MAGI2: variants seen among roughly 807,000 people sequenced by gnomAD.
MAGI2 encodes the protein membrane-associated guanylate kinase, WW and PDZ domain-containing protein 2.
MAGI2 carries 35 observed loss-of-function variants against 133.3 expected under a neutral mutation model. The observed-to-expected ratio is 0.26, with a 90% confidence interval of 0.20 to 0.35. The LOEUF (loss-of-function observed/expected upper bound fraction) is 0.35. Among genes scored for constraint, MAGI2 ranks in the 10% least tolerant of loss-of-function variants. The probability of loss-of-function intolerance (pLI) is 1.00; values close to 1 mark genes in which losing one functional copy is unlikely to be tolerated. For synonymous variants in MAGI2, 729 were observed against 710.6 expected (o/e 1.03, Z -0.41); for missense variants, 1,636 against 1,863.4 (o/e 0.88, Z 2.25).
At chr7:78,069,291 C>T (rs1338953853) in intron 21 of MAGI2, among the ~76,000 whole-genome samples, 1 of 152,020 alleles carries the variant, frequency 6.6e-6, no homozygotes. Context: ...CAGATACGTC[C>T]GGCAATCCCC....
At position 78,501,669 on chromosome 7, in the gene MAGI2, C is replaced by A; in HGVS notation, c.873G>T (p.Lys291Asn). The part of the protein sequence containing the change: ...EELKEQMDDT[K>N]PTKPEDNEEP... Reference sequence around the variant, plus strand: ...CCTCATTGTCTTCAGGTTTAGTTGGCTTTGTGTCATCCATCTGCTCCTTCA... The same window carrying A: ...CCTCATTGTCTTCAGGTTTAGTTGGATTTGTGTCATCCATCTGCTCCTTCA... The change falls in exon 5 of 22, where the codon AAG becomes AAT. Residue 291 changes from lysine (K) to asparagine (N), a missense_variant. Lys to Asn is a moderately conservative substitution (Grantham distance 94, BLOSUM62 0). Transcript: ENST00000354212. The A allele has an allele frequency of 6.2e-7, 1 of 1,614,078 alleles. No individual in the cohort carries two copies. Among genetic ancestry groups the A allele is most frequent in the African/African-American group, 1.3e-5 (1 of 74,998 alleles).
Position 79,143,299 on chromosome 7 carries a change from T to A in MAGI2, c.302-136093A>T, listed in dbSNP as rs372931723. ...AAGGTGAATAATTATTTGTGCTTCATATCAGGCTCTAGGAGAATAGCTAGG... is the reference window on the plus strand; with the variant it reads ...AAGGTGAATAATTATTTGTGCTTCAAATCAGGCTCTAGGAGAATAGCTAGG... On this transcript the variant is annotated intron_variant, in intron 1 of 21. Coordinates refer to ENST00000354212, the MANE Select transcript of MAGI2 (RefSeq NM_012301.4). Among the ~76,000 whole-genome samples the A allele has an allele frequency of 2.6e-5, 4 of 152,322 alleles. 1 individual carries two copies. Among genetic ancestry groups the A allele is most frequent in the Admixed American group, 1.3e-4 (2 of 15,292 alleles).
chr7:79,346,487 C>T (rs2129105546), intron 1 of MAGI2, among the ~76,000 whole-genome samples: 1 of 152,046 alleles, frequency 6.6e-6, no homozygotes, highest in South Asian at 2.1e-4. Context: ...CTGTTACTGC[C>T]TCAATCCTTT....
intron 9 of MAGI2, among the ~76,000 whole-genome samples, chr7:78,283,474 A>T (rs1795834854): frequency 6.6e-6 from 1 of 151,970 alleles, no homozygotes; most frequent in African/African-American, 2.4e-5. Flanking sequence ...TGAATAAGTA[A>T]ATATATGAAT....
intron 2 of MAGI2, among the ~76,000 whole-genome samples, chr7:78,923,078 A>C (rs1799391485): frequency 1.3e-5 from 2 of 152,040 alleles, no homozygotes; most frequent in South Asian, 4.1e-4. Flanking sequence ...AGTTCATTGT[A>C]GATTCTGGAT....
chr7:78,477,705 G>C (rs530893756), intron 6 of MAGI2, among the ~76,000 whole-genome samples: 2 of 151,850 alleles, frequency 1.3e-5, no homozygotes, highest in Non-Finnish European at 2.9e-5. Context: ...ACCTGGCCCC[G>C]CCCTTGACAC....
chr7:78,320,751 T>G (rs554913025), intron 9 of MAGI2, among the ~76,000 whole-genome samples: 1 of 152,134 alleles, frequency 6.6e-6, no homozygotes, highest in Admixed American at 6.6e-5. Context: ...TTATTCAACA[T>G]AGTACTGGAA....
chr7:78,949,495 G>A (rs914076938), intron 2 of MAGI2, among the ~76,000 whole-genome samples: 6 of 152,066 alleles, frequency 3.9e-5, no homozygotes, highest in Non-Finnish European at 8.8e-5. Flanking sequence ...TTGATAAGAA[G>A]GGTTGCATAT....
intron 6 of MAGI2, among the ~76,000 whole-genome samples, chr7:78,397,800 A>G (rs1796497399): frequency 6.6e-6 from 1 of 152,224 alleles, no homozygotes; most frequent in African/African-American, 2.4e-5. Flanking sequence ...TTGCTATAGC[A>G]GGAAGTAGTT....
chr7:78,503,625 C>T (rs1175120336), intron 4 of MAGI2, among the ~76,000 whole-genome samples: 2 of 115,946 alleles, frequency 1.7e-5, no homozygotes. Context: ...TCCCCTCCCA[C>T]TCCTCTCCCT....
At chr7:78,046,704 A>C (rs999110457) in intron 21 of MAGI2, among the ~76,000 whole-genome samples, 4 of 152,182 alleles carry the variant, frequency 2.6e-5, no homozygotes, top group East Asian at 1.9e-4. Flanking sequence ...CTAAAAAAAA[A>C]CCCAGCGTTA....
chr7:79,044,742 T>A (rs61241068), intron 1 of MAGI2, among the ~76,000 whole-genome samples: 4,180 of 152,242 alleles, frequency 0.027, 197 homozygotes, highest in African/African-American at 0.096. Context: ...ACAAAATCAA[T>A]GTACAAAAAT....
In MAGI2 at chr7:78,496,869, G is replaced by A. The variant is rs147809074; in HGVS notation, c.965+4708C>T. Among the ~76,000 whole-genome samples the A allele has an allele frequency of 4.6e-3, 702 of 152,222 alleles. 2 individuals carry two copies. Among genetic ancestry groups the A allele is most frequent in the African/African-American group, 0.013 (549 of 41,526 alleles). On this transcript the variant is annotated intron_variant, in intron 5 of 21. Transcript: ENST00000354212. ...TTGACTACTGTATTCTCAGGGTTTA[G>A]AATGATTCCCAGGACATAATACATG...
At chr7:79,375,377 T>TA (rs1843315424) in intron 1 of MAGI2, among the ~76,000 whole-genome samples, 1 of 151,980 alleles carries the variant, frequency 6.6e-6, no homozygotes, top group African/African-American at 2.4e-5. Flanking sequence ...ATAATGCTCC[T>TA]AACTTCAGAA....
intron 1 of MAGI2, among the ~76,000 whole-genome samples, chr7:79,216,660 G>A (rs1299115000): frequency 6.6e-6 from 1 of 152,022 alleles, no homozygotes; most frequent in Non-Finnish European, 1.5e-5. Flanking sequence ...CCAAACAGAT[G>A]AGCCACACCC....
At chr7:79,439,440 T>C (rs993930583) in intron 1 of MAGI2, among the ~76,000 whole-genome samples, 3 of 146,980 alleles carry the variant, frequency 2.0e-5, no homozygotes, top group African/African-American at 7.5e-5. Context: ...GTCTTCAGAC[T>C]CCAAGATCCA....
chr7:79,390,494 A>G (rs888574373), intron 1 of MAGI2, among the ~76,000 whole-genome samples: 14 of 152,342 alleles, frequency 9.2e-5, no homozygotes, highest in South Asian at 2.1e-4. Flanking sequence ...GTCAGTTATA[A>G]ATGACATTCA....
intron 1 of MAGI2, among the ~76,000 whole-genome samples, chr7:79,121,895 G>A (rs1819935747): frequency 6.6e-6 from 1 of 152,010 alleles, no homozygotes; most frequent in Non-Finnish European, 1.5e-5. Flanking sequence ...AACTTCAATT[G>A]TTTTCTAACA....
intron 9 of MAGI2, among the ~76,000 whole-genome samples, chr7:78,305,494 A>G (rs916267257): frequency 6.6e-6 from 1 of 152,164 alleles, no homozygotes; most frequent in Non-Finnish European, 1.5e-5. Flanking sequence ...GTTTAAGGCA[A>G]TGAGTTGCTT....
Sources: gnomAD v4.1 joint callset for allele counts (sites outside exome capture counted in the v4.1 genomes callset) on GRCh38, gnomAD v4.1.1 for gene constraint, MANE v1.5 for transcripts, NCBI Gene and HGNC (gene_info 2026-07-23, HGNC 2026-07-21) for gene names.